Variants in JARID2 observed in about 807,000 individuals in gnomAD.
The protein encoded by JARID2 is jumonji and AT-rich interaction domain containing 2, also known as protein Jumonji.
Under a neutral mutation model 125.6 loss-of-function variants are expected in JARID2, and 21 were observed. That is an observed-to-expected ratio of 0.17 (90% CI 0.12 to 0.24). The LOEUF is 0.24. Ranked by LOEUF, JARID2 falls within the 10% of genes least tolerant of loss-of-function variation. The pLI is 1.00. For missense variants in JARID2, 1,303 were observed against 1,639.6 expected, an observed-to-expected ratio of 0.79 and a Z score of 3.55; for synonymous variants, 736 against 661.6, an observed-to-expected ratio of 1.11 and a Z score of -1.73.
chr6:15,497,994 C>T (rs929869665), intron 7 of JARID2, among the ~76,000 whole-genome samples: 1 of 152,198 alleles, frequency 6.6e-6, no homozygotes, highest in African/African-American at 2.4e-5. Flanking sequence ...GATTAGGGCC[C>T]ATCCTACTGA....
chr6:15,325,488 G>A (rs1215589382), intron 1 of JARID2, among the ~76,000 whole-genome samples: 1 of 152,184 alleles, frequency 6.6e-6, no homozygotes, highest in East Asian at 1.9e-4. Context: ...GAATGTCTAA[G>A]GGTACTTTGA....
In JARID2 at chr6:15,414,024, C is replaced by CTA. The variant is rs1766018561; in HGVS notation, c.323+3662_323+3663dup. Among the ~76,000 whole-genome samples, 3 of 152,248 alleles carry CTA rather than the reference C, an allele frequency of 2.0e-5. No individual in the cohort carries two copies. The South Asian group carries it at 6.2e-4, about 32-fold the overall frequency. Reference sequence around the variant, plus strand: ...TAGAATGATACGAATTGCTAGTTAGCTATACTTGTAGATTTAATTACTCCT... The same window carrying CTA: ...TAGAATGATACGAATTGCTAGTTAGCTATATACTTGTAGATTTAATTACTCCT... On this transcript the variant is annotated intron_variant, in intron 3 of 17. Transcript: ENST00000341776.
intron 1 of JARID2, chr6:15,368,665 A>G (rs1764058994): frequency 2.0e-6 from 1 of 488,434 alleles, no homozygotes; most frequent in Admixed American, 2.1e-5. Context: ...TTAGTGCCAT[A>G]CCTTTTTGGG....
intron 1 of JARID2, among the ~76,000 whole-genome samples, chr6:15,307,747 T>G (rs1255256143): frequency 6.6e-6 from 1 of 152,214 alleles, no homozygotes; most frequent in Non-Finnish European, 1.5e-5. Context: ...CCTTTACTTA[T>G]GTGATTAGTT....
Position 15,493,797 on chromosome 6 carries a change from A to G in JARID2, c.907-2335A>G, listed in dbSNP as rs373889955. ...AGCATTTGAAAGAACAATTAAAACT[A>G]AGAGATTTGCATTCCTCACTATACC... On this transcript the variant is annotated intron_variant, in intron 6 of 17. Coordinates refer to ENST00000341776, the MANE Select transcript of JARID2 (RefSeq NM_004973.4). Among the ~76,000 whole-genome samples the G allele has an allele frequency of 1.4e-3, 219 of 152,350 alleles. 5 individuals carry two copies. In the South Asian group the frequency reaches 0.042, roughly 29 times the overall value.
At chr6:15,486,192 G>A (rs1769857598) in intron 5 of JARID2, among the ~76,000 whole-genome samples, 1 of 152,220 alleles carries the variant, frequency 6.6e-6, no homozygotes, top group Non-Finnish European at 1.5e-5. Flanking sequence ...GAAGAAACAG[G>A]CCCTGTTTGG....
chr6:15,508,487 C>T (rs1561914548), intron 12 of JARID2, 33 bp downstream of exon 12: 3 of 1,100,762 alleles, frequency 2.7e-6, no homozygotes, highest in Non-Finnish European at 4.2e-6. Flanking sequence ...AAGGGAGGGA[C>T]TGCAGAAACT....
intron 3 of JARID2, among the ~76,000 whole-genome samples, chr6:15,434,164 A>C (rs1025976398): frequency 1.1e-4 from 16 of 151,642 alleles, no homozygotes; most frequent in African/African-American, 3.4e-4. Flanking sequence ...TTTATTTTTT[A>C]AACGAAGTTT....
intron 12 of JARID2, chr6:15,508,965 C>G: frequency 7.8e-7 from 1 of 1,289,162 alleles, no homozygotes; most frequent in Non-Finnish European, 1.0e-6. Flanking sequence ...TATTTTCAGC[C>G]TCTCTGTAGA....
intron 16 of JARID2, 32 bp downstream of exon 16, chr6:15,513,454 C>A (rs1438374433): frequency 8.3e-6 from 13 of 1,566,196 alleles, no homozygotes; most frequent in African/African-American, 1.3e-5. Flanking sequence ...GGCGCCCTCG[C>A]ATGTAGTGCT....
rs1245773586 is a variant in JARID2, at chr6:15,496,566, A to C, written c.1341A>C (p.Ala447=). The change falls in exon 7 of 18, where the codon GCA becomes GCC. Residue 447 remains alanine (A), a synonymous_variant. Coordinates refer to ENST00000341776, the MANE Select transcript of JARID2 (RefSeq NM_004973.4). ...LRNSKRRLEE[A]HQAEKPQSPP... is the part of the protein sequence containing the mutation. ...ACTCCAAGAGGAGACTGGAAGAGGC[A>C]CACCAGGCGGAGAAGCCGCAGTCGC... 6.2e-7 allele frequency: 1 copy of C among 1,606,286 alleles called. No homozygotes were observed. The highest frequency in any genetic ancestry group is 2.2e-5 in the East Asian group (1 of 44,812).
chr6:15,415,273 T>A (rs1351925869), intron 3 of JARID2, among the ~76,000 whole-genome samples: 1 of 152,248 alleles, frequency 6.6e-6, no homozygotes, highest in Non-Finnish European at 1.5e-5. Context: ...CTTTCCCCCC[T>A]TTCTATTCCA....
intron 1 of JARID2, among the ~76,000 whole-genome samples, chr6:15,310,619 A>G (rs1475260454): frequency 6.6e-6 from 1 of 152,148 alleles, no homozygotes; most frequent in South Asian, 2.1e-4. Flanking sequence ...TCTGGAGGGA[A>G]GGGGATGCCC....
chr6:15,288,761 A>G (rs1561772359), intron 1 of JARID2, among the ~76,000 whole-genome samples: 1 of 152,160 alleles, frequency 6.6e-6, no homozygotes, highest in Admixed American at 6.5e-5. Flanking sequence ...TTGAGCTTCT[A>G]TTGAAGTCTT....
At chr6:15,360,579 G>C (rs1444590844) in intron 1 of JARID2, among the ~76,000 whole-genome samples, 32 of 152,154 alleles carry the variant, frequency 2.1e-4, no homozygotes, top group Admixed American at 2.1e-3. Context: ...GAATGCCTGT[G>C]TTCAAGCGAT....
chr6:15,479,988 T>C (rs1769532172), intron 5 of JARID2, among the ~76,000 whole-genome samples: 1 of 152,214 alleles, frequency 6.6e-6, no homozygotes, highest in Admixed American at 6.5e-5. Flanking sequence ...GTGGCTTTTG[T>C]ACAGTAACAG....
chr6:15,247,794 TAATC>T (rs1759241929), intron 1 of JARID2: 3 of 985,414 alleles, frequency 3.0e-6, no homozygotes, highest in South Asian at 9.4e-5. Context: ...CAAGGTTAAA[TAATC>T]AAGCCCAACT....
chr6:15,357,119 G>T (rs1340962242), intron 1 of JARID2, among the ~76,000 whole-genome samples: 1 of 152,208 alleles, frequency 6.6e-6, no homozygotes, highest in African/African-American at 2.4e-5. Context: ...CATCTCTAGG[G>T]AACGAAGCCT....
intron 1 of JARID2, among the ~76,000 whole-genome samples, chr6:15,298,729 A>G (rs1761498818): frequency 6.6e-6 from 1 of 151,896 alleles, no homozygotes; most frequent in Admixed American, 6.6e-5. Flanking sequence ...TGTTTTGTTA[A>G]CTTTCTGTTA....
Sources: gnomAD v4.1 joint callset for allele counts (sites outside exome capture counted in the v4.1 genomes callset) on GRCh38, gnomAD v4.1.1 for gene constraint, MANE v1.5 for transcripts, NCBI Gene and HGNC (gene_info 2026-07-23, HGNC 2026-07-21) for gene names.